The following NCAPD3 variants were observed in gnomAD, a reference collection of about 807,000 sequenced individuals.
The protein encoded by NCAPD3 is condensin-2 complex subunit D3.
Under a neutral mutation model 182.9 loss-of-function variants are expected in NCAPD3, and 105 were observed. The ratio of observed to expected loss-of-function variants is 0.57; its 90% CI spans 0.49 to 0.68. The LOEUF is 0.68. Ranked by LOEUF, NCAPD3 falls within the 30% of genes least tolerant of loss-of-function variation. NCAPD3 has a pLI of 0.00. For synonymous variants in NCAPD3, 815 were observed against 679.9 expected (o/e 1.20, Z -3.09); for missense variants, 1,944 against 1,837.0 (o/e 1.06, Z -1.07).
chr11:134,192,825 C>T lies in NCAPD3; in HGVS notation c.1909G>A (p.Glu637Lys). 1 of 1,614,156 alleles carries T rather than the reference C, an allele frequency of 6.2e-7. No homozygotes were observed. Among genetic ancestry groups the T allele is most frequent in the Non-Finnish European group, 8.5e-7 (1 of 1,179,992 alleles). Reference protein sequence around the residue: ...VVMDCESTVQEKALEFLDQLL... With the variant: ...VVMDCESTVQKKALEFLDQLL... ...TGGTCCAGGAACTCCAGGGCCTTCT[C>T]CTGCACAGTGCTCTCGCAGTCCATC... The change falls in exon 16 of 35, where the codon GAG (glutamate) becomes AAG (lysine). Residue 637 changes from glutamate (E) to lysine (K), a missense_variant. This residue lies in a region of NCAPD3 where 1,803 missense variants were observed against 1,674.6 expected (regional missense o/e 1.08). Coordinates refer to ENST00000534548, the MANE Select transcript of NCAPD3 (RefSeq NM_015261.3).
chr11:134,170,112 A>G (rs1477363067), intron 24 of NCAPD3, among the ~76,000 whole-genome samples: 2 of 152,234 alleles, frequency 1.3e-5, no homozygotes, highest in Admixed American at 6.5e-5. Context: ...AAAATCAGAG[A>G]AGGTAGATGA....
chr11:134,192,611 G>T, intron 16 of NCAPD3, 78 bp downstream of exon 16: 2 of 1,277,158 alleles, frequency 1.6e-6, no homozygotes, highest in Non-Finnish European at 1.1e-6. Context: ...ATTTTTCGAG[G>T]ACCAATAGGA....
At chr11:134,166,854 CAT>C (rs1491162573) in intron 27 of NCAPD3, among the ~76,000 whole-genome samples, 5 of 109,396 alleles carry the variant, frequency 4.6e-5, no homozygotes, top group Non-Finnish European at 5.5e-5. Flanking sequence ...GGCGCACACT[CAT>C]GAGAGGAGCT....
chr11:134,203,329 A>G, intron 11 of NCAPD3, 131 bp from the exon 12 acceptor site: 1 of 742,486 alleles, frequency 1.3e-6, no homozygotes, highest in African/African-American at 1.8e-5. Context: ...CTGACAACTG[A>G]TAACGTTCTC....
Position 134,168,535 on chromosome 11 carries a change from G to A in NCAPD3, c.3307C>T (p.Leu1103Phe), listed in dbSNP as rs137924264. The change falls in exon 26 of 35, where the codon CTT becomes TTT. Residue 1103 changes from leucine (L) to phenylalanine (F), a missense_variant. This residue lies in a region of NCAPD3 where 1,803 missense variants were observed against 1,674.6 expected (regional missense o/e 1.08). Transcript: ENST00000534548. ...KERRMKIYKFLLEHFTDEQRF... is the reference protein window; with the variant it reads ...KERRMKIYKFFLEHFTDEQRF... ...TGTTCATCTGTGAAGTGCTCTAGAA[G>A]AAATTTGTAGATTTTCATTCGTCTC... is the stretch of plus-strand genomic sequence containing the variant. 2 of 1,614,176 alleles carry A rather than the reference G, an allele frequency of 1.2e-6. No individual in the cohort carries two copies. The highest frequency in any genetic ancestry group is 2.2e-5 in the South Asian group (2 of 91,078).
At chr11:134,201,484 A>G (rs1944747459) in intron 13 of NCAPD3, among the ~76,000 whole-genome samples, 1 of 152,226 alleles carries the variant, frequency 6.6e-6, no homozygotes, top group Non-Finnish European at 1.5e-5. Context: ...TAAAACAACT[A>G]CATTATACAC....
rs1044134297 is a variant in NCAPD3 at position 134,219,424 on chromosome 11, T to A, written c.219+1148A>T. 2.6e-5 allele frequency among the ~76,000 whole-genome samples: 4 copies of A among 152,188 alleles called. No individual in the cohort carries two copies. In the East Asian group the frequency reaches 7.7e-4, roughly 29 times the overall value. On this transcript the variant is annotated intron_variant, in intron 2 of 34. Coordinates refer to ENST00000534548, the MANE Select transcript of NCAPD3 (RefSeq NM_015261.3). ...AGACCTACTTTGGCTAGTGTTCAAA[T>A]GTCCACTCTTCCTCCCTGAGGTCCC...
rs539813773 is a variant in NCAPD3 at position 134,204,726 on chromosome 11, T to C, written c.1089+173A>G. Reference sequence around the variant, plus strand: ...AAAGTTTTTTTGTTTTTTTGTTTTTTATAGAACACTTTTGTCTAGGGGACC... The same window carrying C: ...AAAGTTTTTTTGTTTTTTTGTTTTTCATAGAACACTTTTGTCTAGGGGACC... On this transcript the variant is annotated intron_variant, in intron 9 of 34. Coordinates refer to ENST00000534548, the MANE Select transcript of NCAPD3 (RefSeq NM_015261.3). This position sits in a 1 kb window ranked among gnomAD's most constrained non-coding sequence, Gnocchi z 4.3. 6.6e-6 allele frequency among the ~76,000 whole-genome samples: 1 copy of C among 152,282 alleles called. No individual in the cohort carries two copies. Among genetic ancestry groups the C allele is most frequent in the African/African-American group, 2.4e-5 (1 of 41,554 alleles).
At chr11:134,181,561 TTAACTAC>T (rs1944297783) in intron 19 of NCAPD3, among the ~76,000 whole-genome samples, 1 of 152,192 alleles carries the variant, frequency 6.6e-6, no homozygotes, top group East Asian at 1.9e-4. Context: ...AGATGATGAA[TTAACTAC>T]TGTGATAAAC....
At chr11:134,172,529 C>G (rs531419425) in intron 24 of NCAPD3, among the ~76,000 whole-genome samples, 2 of 152,294 alleles carry the variant, frequency 1.3e-5, no homozygotes, top group South Asian at 2.1e-4. Context: ...TTTTCTATCT[C>G]AATGGTCCAT....
At chr11:134,171,521 G>C (rs1944006012) in intron 24 of NCAPD3, among the ~76,000 whole-genome samples, 3 of 152,168 alleles carry the variant, frequency 2.0e-5, no homozygotes, top group African/African-American at 7.2e-5. Flanking sequence ...CTGAACTCAT[G>C]TTCCTGACCT....
intron 27 of NCAPD3, among the ~76,000 whole-genome samples, chr11:134,166,643 TGGG>T (rs780185595): frequency 1.9e-5 from 1 of 53,536 alleles, no homozygotes; most frequent in Non-Finnish European, 3.4e-5. Flanking sequence ...GAGATGAGCT[TGGG>T]GGAGCAGCAC....
At chr11:134,165,921 C>G (rs1399581882) in intron 27 of NCAPD3, among the ~76,000 whole-genome samples, 1 of 105,210 alleles carries the variant, frequency 9.5e-6, no homozygotes, top group Non-Finnish European at 1.9e-5. Context: ...GTGAGATGAG[C>G]TTGGGGGAGC....
chr11:134,202,943 T>C (rs1944780353), intron 12 of NCAPD3, 38 bp from the exon 13 acceptor site: 1 of 1,493,408 alleles, frequency 6.7e-7, no homozygotes, highest in Admixed American at 1.9e-5. Flanking sequence ...GCTAAAAATG[T>C]GTTATACTTT....
rs1331662337 is a variant in NCAPD3 at position 134,223,772 on chromosome 11, C to T, written c.64+91G>A. 6 of 1,479,400 alleles carry T rather than the reference C, an allele frequency of 4.1e-6. No homozygotes were observed. In the Admixed American group the frequency reaches 7.9e-5, roughly 19 times the overall value. The allele number at this position is 1,479,400 out of a possible 1,614,324, so 91.6% of individuals were successfully genotyped here. A position where few individuals can be genotyped will look rare whatever the true frequency, so the allele number is the denominator to read the frequency against. Reference sequence around the variant, plus strand: ...GACAGCCGGGCGCCCCCACCCCGCCCCCACCGGCACCCCGGCCCGGGCTTA... The same window carrying T: ...GACAGCCGGGCGCCCCCACCCCGCCTCCACCGGCACCCCGGCCCGGGCTTA... On this transcript the variant is annotated intron_variant, in intron 1 of 34. Coordinates refer to ENST00000534548, the MANE Select transcript of NCAPD3 (RefSeq NM_015261.3).
chr11:134,159,749 T>A, intron 29 of NCAPD3, 143 bp downstream of exon 29: 1 of 808,656 alleles, frequency 1.2e-6, no homozygotes, highest in Non-Finnish European at 1.9e-6. Context: ...CACGAGGGAG[T>A]GGCCAACAAG....
chr11:134,158,457 G>T lies in NCAPD3; in HGVS notation c.3906C>A (p.Gly1302=), dbSNP rs1425534608. The change falls in exon 30 of 35, where the codon GGC becomes GGA. Residue 1302 remains glycine (G), a synonymous_variant. Coordinates refer to ENST00000534548, the MANE Select transcript of NCAPD3 (RefSeq NM_015261.3). ...LCLETVPVPA[G]QENPAMSPAV... Reference sequence around the variant, plus strand: ...CAGGTGACATGGCAGGGTTTTCTTGGCCAGCAGGAACTGGCACTGTTTCTA... The same window carrying T: ...CAGGTGACATGGCAGGGTTTTCTTGTCCAGCAGGAACTGGCACTGTTTCTA... 6.2e-7 allele frequency: 1 copy of T among 1,614,000 alleles called. No homozygotes were observed. The highest frequency in any genetic ancestry group is 1.3e-5 in the African/African-American group (1 of 74,926).
intron 24 of NCAPD3, among the ~76,000 whole-genome samples, chr11:134,171,122 G>C (rs376554249): frequency 1.2e-3 from 179 of 152,270 alleles, no homozygotes; most frequent in African/African-American, 4.3e-3. Context: ...AGAAATCTTA[G>C]TAAGCTGGGA....
intron 27 of NCAPD3, among the ~76,000 whole-genome samples, chr11:134,164,535 G>A (rs956544807): frequency 1.3e-5 from 2 of 152,262 alleles, no homozygotes; most frequent in African/African-American, 4.8e-5. Flanking sequence ...ATGGTGAGAA[G>A]AGTGGGACAC....
Sources: gnomAD v4.1 joint callset for allele counts (sites outside exome capture counted in the v4.1 genomes callset) on GRCh38, gnomAD v4.1.1 for gene constraint, gnomAD v4.1.1 regional missense constraint, Gnocchi (gnomAD v3.1) non-coding constraint, MANE v1.5 for transcripts, NCBI Gene and HGNC (gene_info 2026-07-23, HGNC 2026-07-21) for gene names.